ADGB: variants seen among roughly 807,000 people sequenced by gnomAD.
ADGB encodes the protein calpain-7-like protein.
In ADGB, 172 loss-of-function variants were observed where a neutral mutation model predicts 210.5. The ratio of observed to expected loss-of-function variants is 0.82; its 90% CI spans 0.72 to 0.93. The LOEUF (loss-of-function observed/expected upper bound fraction) is 0.93. Among genes scored for constraint, ADGB ranks in the 40% least tolerant of loss-of-function variants. The probability of loss-of-function intolerance (pLI) is 0.00; values close to 1 mark genes in which losing one functional copy is unlikely to be tolerated. For missense variants in ADGB, 2,025 were observed against 1,964.8 expected, an observed-to-expected ratio of 1.03 and a Z score of -0.58; for synonymous variants, 658 against 662.7, an observed-to-expected ratio of 0.99 and a Z score of 0.11.
At chr6:146,794,112 G>A (rs773845926) in intron 33 of ADGB, among the ~76,000 whole-genome samples, 3 of 152,130 alleles carry the variant, frequency 2.0e-5, no homozygotes, top group Non-Finnish European at 4.4e-5. Flanking sequence ...GCTTTGAGGG[G>A]CACTGGTAGG....
intron 13 of ADGB, among the ~76,000 whole-genome samples, chr6:146,711,395 C>T (rs1403298942): frequency 1.3e-5 from 2 of 151,974 alleles, no homozygotes; most frequent in Non-Finnish European, 2.9e-5. Flanking sequence ...CACTCCTTTG[C>T]TGTCTTGCTT....
intron 26 of ADGB, among the ~76,000 whole-genome samples, chr6:146,748,178 T>G (rs575042868): frequency 6.6e-6 from 1 of 152,172 alleles, no homozygotes; most frequent in East Asian, 1.9e-4. Flanking sequence ...AAAAAAAAAC[T>G]TCACTCAAGG....
chr6:146,657,486 T>C (rs1775802519), intron 5 of ADGB, among the ~76,000 whole-genome samples: 1 of 152,190 alleles, frequency 6.6e-6, no homozygotes, highest in Non-Finnish European at 1.5e-5. Flanking sequence ...TTGTGATTAA[T>C]GAGAAACACA....
chr6:146,783,512 T>C (rs187194407), intron 30 of ADGB, among the ~76,000 whole-genome samples: 132 of 152,322 alleles, frequency 8.7e-4, no homozygotes, highest in African/African-American at 3.0e-3. Flanking sequence ...TAAATTCATG[T>C]ATTAAGCAAT....
At chr6:146,807,546 G>A (rs1326525511) in intron 35 of ADGB, 1 of 1,548,106 alleles carries the variant, frequency 6.5e-7, no homozygotes. Context: ...GATGACCCCA[G>A]CTCCTGACAC....
chr6:146,759,217 A>G (rs28360589), intron 27 of ADGB, among the ~76,000 whole-genome samples: 34,971 of 151,508 alleles, frequency 0.23, 4,209 homozygotes, highest in East Asian at 0.39. Context: ...GAAAGATAAA[A>G]CTTCATTGCA....
intron 22 of ADGB, among the ~76,000 whole-genome samples, chr6:146,734,847 T>C (rs1466026228): frequency 3.3e-5 from 5 of 152,088 alleles, no homozygotes; most frequent in African/African-American, 1.2e-4. Flanking sequence ...GAGGTGGTGG[T>C]TGCAGCGAGC....
rs139277654 is a variant in ADGB, at chr6:146,707,107, G to A, written c.1707+6037G>A. ...AATTTCCTTCTTAATATCTCATTCA[G>A]AAGCACATTGTTTAGTTTCCATGTA... is the stretch of plus-strand genomic sequence containing the variant. On this transcript the variant is annotated intron_variant, in intron 13 of 35. Coordinates refer to ENST00000397944, the MANE Select transcript of ADGB (RefSeq NM_024694.4). Among the ~76,000 whole-genome samples the A allele has an allele frequency of 3.5e-3, 527 of 152,038 alleles. 1 individual carries two copies. The highest frequency in any genetic ancestry group is 6.2e-3 in the Non-Finnish European group (418 of 67,926).
chr6:146,617,871 G>C (rs1270894958), intron 1 of ADGB, among the ~76,000 whole-genome samples: 1 of 151,932 alleles, frequency 6.6e-6, no homozygotes, highest in Admixed American at 6.6e-5. Context: ...ACAACATGGG[G>C]CTTAGAGCAC....
chr6:146,645,616 A>G (rs910585354), intron 3 of ADGB, among the ~76,000 whole-genome samples: 1 of 152,050 alleles, frequency 6.6e-6, no homozygotes, highest in Non-Finnish European at 1.5e-5. Flanking sequence ...ATTGTTCTGT[A>G]CATTTGTGGA....
At chr6:146,747,438 C>T (rs959794090) in intron 26 of ADGB, among the ~76,000 whole-genome samples, 1 of 152,148 alleles carries the variant, frequency 6.6e-6, no homozygotes, top group African/African-American at 2.4e-5. Context: ...GTATTAAAGT[C>T]ATCAAGCTGA....
intron 13 of ADGB, 134 bp from the exon 14 acceptor site, chr6:146,715,248 G>T: frequency 4.1e-6 from 3 of 735,884 alleles, no homozygotes; most frequent in Admixed American, 3.3e-5. Flanking sequence ...TTTTTTGGTA[G>T]GTTTTAGTAA....
chr6:146,757,236 C>T, intron 27 of ADGB, among the ~76,000 whole-genome samples: 1 of 151,920 alleles, frequency 6.6e-6, no homozygotes. Flanking sequence ...TTTCAATATT[C>T]AATGATATTT....
intron 33 of ADGB, among the ~76,000 whole-genome samples, chr6:146,796,286 A>G (rs1373044509): frequency 6.6e-6 from 1 of 152,170 alleles, no homozygotes; most frequent in Non-Finnish European, 1.5e-5. Context: ...CAATCTACAA[A>G]TTCAATGCAA....
At chr6:146,803,724 C>A in intron 35 of ADGB, 3 of 970,742 alleles carry the variant, frequency 3.1e-6, no homozygotes, top group East Asian at 2.5e-5. Flanking sequence ...TCTTAAGTAC[C>A]GGCGCCTCAT....
intron 2 of ADGB, among the ~76,000 whole-genome samples, chr6:146,641,349 A>G (rs1018396339): frequency 3.3e-5 from 5 of 152,046 alleles, no homozygotes; most frequent in Non-Finnish European, 1.5e-5. Context: ...ATTCAATGCT[A>G]TTCTTATCAA....
chr6:146,718,953 T>C (rs983116650), intron 16 of ADGB, among the ~76,000 whole-genome samples: 3 of 152,196 alleles, frequency 2.0e-5, no homozygotes, highest in African/African-American at 4.8e-5. Context: ...CAACAATTAA[T>C]TGGGAATAGT....
chr6:146,802,010 A>C lies in ADGB; in HGVS notation c.4817A>C (p.Gln1606Pro). 6.5e-7 allele frequency: 1 copy of C among 1,537,096 alleles called. No individual in the cohort carries two copies. Among genetic ancestry groups the C allele is most frequent in the Non-Finnish European group, 8.8e-7 (1 of 1,141,624 alleles). Residue 1606 changes from glutamine to proline, a missense_variant and splice_region_variant, in exon 35 of 36, where the codon CAG becomes CCG. By Grantham distance (76) the Gln-to-Pro change is moderately conservative. Transcript: ENST00000397944. ...GTCCTGGATATGTATAAGGAAATGC[A>C]GGTGAGTCTAAAAGCACATACATAG... Reference protein sequence around the residue: ...DEVLDMYKEMQDSLDEARQKI... With the variant: ...DEVLDMYKEMPDSLDEARQKI...
intron 27 of ADGB, among the ~76,000 whole-genome samples, chr6:146,756,091 A>T (rs1777403184): frequency 6.6e-6 from 1 of 152,066 alleles, no homozygotes; most frequent in Non-Finnish European, 1.5e-5. Flanking sequence ...GCTGAGCAAC[A>T]GATCACTGCA....
Sources: allele counts gnomAD v4.1 joint callset (sites outside exome capture counted in the v4.1 genomes callset), GRCh38; gene constraint gnomAD v4.1.1; transcripts MANE v1.5; gene names NCBI Gene and HGNC (gene_info 2026-07-23, HGNC 2026-07-21).